LRRC53: variants seen among roughly 807,000 people sequenced by gnomAD.
The protein encoded by LRRC53 is leucine-rich repeat-containing protein 53.
LRRC53 carries 25 observed loss-of-function variants against 13.6 expected under a neutral mutation model. The ratio of observed to expected loss-of-function variants is 1.83; its 90% CI spans 1.34 to 2.56. The LOEUF is 2.56. Among genes scored for constraint, LRRC53 ranks in the 30% most tolerant of loss-of-function variants. The probability of loss-of-function intolerance (pLI) is 0.00; values close to 1 mark genes in which losing one functional copy is unlikely to be tolerated. For missense variants in LRRC53, 527 were observed against 275.8 expected (o/e 1.91, Z -6.45); for synonymous variants, 204 against 109.8 (o/e 1.86, Z -5.37).
chr1:74,508,012 C>A (rs1002409282), intron 1 of LRRC53, among the ~76,000 whole-genome samples: 4 of 152,140 alleles, frequency 2.6e-5, no homozygotes, highest in Non-Finnish European at 5.9e-5. Flanking sequence ...GGAAAATAGA[C>A]CCCAAATGTA....
chr1:74,480,524 C>T lies in LRRC53; in HGVS notation c.533G>A (p.Arg178Gln), dbSNP rs553736323. Residue 178 changes from arginine to glutamine, a missense_variant, in exon 3 of 5, where the codon CGG becomes CAG. Physicochemically the swap from Arg to Gln is conservative, Grantham distance 43. Transcript: ENST00000294635. ...CACTTCCTGTAGTTGAGGCAGGGGCCGGAAGGCATCTTTCCCAATGTAGGA... is the reference window on the plus strand; with the variant it reads ...CACTTCCTGTAGTTGAGGCAGGGGCTGGAAGGCATCTTTCCCAATGTAGGA... ...FISYIGKDAFRPLPQLQEVDL... is the reference protein window; with the variant it reads ...FISYIGKDAFQPLPQLQEVDL... 15 of 717,442 alleles carry T rather than the reference C, an allele frequency of 2.1e-5. No homozygotes were observed. The East Asian group carries it at 3.0e-4, about 14-fold the overall frequency. 44.4% of individuals were successfully genotyped at this position (717,442 alleles called of 1,614,324 possible).
chr1:74,513,638 A>C (rs796100791), upstream of LRRC53, among the ~76,000 whole-genome samples: 1 of 152,180 alleles, frequency 6.6e-6, no homozygotes, highest in South Asian at 2.1e-4. Flanking sequence ...ACATCTTGTC[A>C]CTTGCGTAAC....
the LRRC53 span, among the ~76,000 whole-genome samples, chr1:74,529,219 A>G: frequency 1.3e-5 from 2 of 152,196 alleles, no homozygotes; most frequent in African/African-American, 4.8e-5. Context: ...AGCCTATCAG[A>G]CATCACTCAA....
In LRRC53 at chr1:74,470,264, T is replaced by C. The variant is rs540635923; in HGVS notation, c.3358A>G (p.Thr1120Ala). Residue 1120 changes from threonine (T) to alanine (A), a missense_variant, in exon 5 of 5, where the codon ACA (threonine) becomes GCA (alanine). Transcript: ENST00000294635. ...TCATGTAATATATATTTTTCACTTG[T>C]TCCATTTTCCCAAGTTTGCTGCCTT... ...KERQQTWENG[T>A]SEKYILHDAS... is the part of the protein sequence containing the mutation. 5.0e-6 allele frequency: 2 copies of C among 400,644 alleles called. No individual in the cohort carries two copies. Among genetic ancestry groups the C allele is most frequent in the South Asian group, 1.3e-4 (1 of 7,942 alleles). The allele number at this position is 400,644 out of a possible 1,614,324, so 24.8% of individuals were successfully genotyped here.
chr1:74,516,302 T>G (rs566666715), upstream of LRRC53, among the ~76,000 whole-genome samples: 1 of 152,302 alleles, frequency 6.6e-6, no homozygotes, highest in Admixed American at 6.5e-5. Flanking sequence ...CACTATTTAC[T>G]TGGATGGGGA....
the LRRC53 span, among the ~76,000 whole-genome samples, chr1:74,519,569 GC>G: frequency 1.6e-5 from 2 of 126,652 alleles, no homozygotes; most frequent in Admixed American, 1.4e-4. Context: ...TTTAATGATT[GC>G]CTTACTTTAA....
rs1281498857 is a variant in LRRC53 at position 74,471,366 on chromosome 1, T to A, written c.2256A>T (p.Leu752Phe). Residue 752 changes from leucine to phenylalanine, a missense_variant, in exon 5 of 5, where the codon TTA becomes TTT. Leu to Phe is a conservative substitution (Grantham distance 22). Transcript: ENST00000294635. ...CKQVLLPPKK[L>F]SKTSETEAKI... ...TGGCTTCTGTCTCAGAAGTTTTGGATAATTTCTTAGGAGGCAACAATACCT... is the reference window on the plus strand; with the variant it reads ...TGGCTTCTGTCTCAGAAGTTTTGGAAAATTTCTTAGGAGGCAACAATACCT... The A allele has an allele frequency of 5.0e-6, 2 of 400,724 alleles. No homozygotes were observed. The highest frequency in any genetic ancestry group is 7.1e-5 in the East Asian group (2 of 28,082). 24.8% of individuals were successfully genotyped at this position (400,724 alleles called of 1,614,324 possible). A position where few individuals can be genotyped will look rare whatever the true frequency, so the allele number is the denominator to read the frequency against.
chr1:74,479,686 A>G (rs556236727), intron 3 of LRRC53, among the ~76,000 whole-genome samples: 2 of 152,274 alleles, frequency 1.3e-5, no homozygotes, highest in Admixed American at 1.3e-4. Flanking sequence ...AAGCCCTCTG[A>G]CTCTTACTAT....
At chr1:74,515,934 T>C (rs1646342067), upstream of LRRC53, among the ~76,000 whole-genome samples, 1 of 152,186 alleles carries the variant, frequency 6.6e-6, no homozygotes, top group Non-Finnish European at 1.5e-5. Flanking sequence ...GCCTTCAAGG[T>C]TCTGATGTCT....
Position 74,493,993 on chromosome 1 carries a change from C to T in LRRC53, c.-26-10618G>A, listed in dbSNP as rs112352051. On this transcript the variant is annotated intron_variant, in intron 1 of 4. Transcript: ENST00000294635. ...GGGTCATAGTTCATTAATATAAATA[C>T]GGTTGTCAGGGGCCCCTGTTCTAGA... Among the ~76,000 whole-genome samples, 906 of 152,238 alleles carry T rather than the reference C, an allele frequency of 6.0e-3. 13 individuals carry two copies. The highest frequency in any genetic ancestry group is 0.02 in the African/African-American group (841 of 41,526).
chr1:74,483,034 T>C (rs571765696), intron 2 of LRRC53, among the ~76,000 whole-genome samples: 1 of 152,356 alleles, frequency 6.6e-6, no homozygotes, highest in Non-Finnish European at 1.5e-5. Flanking sequence ...TCTTTTGCAA[T>C]AGCAAAATAA....
chr1:74,501,226 T>C (rs1669608210), intron 1 of LRRC53, among the ~76,000 whole-genome samples: 1 of 152,208 alleles, frequency 6.6e-6, no homozygotes, highest in Admixed American at 6.5e-5. Context: ...TCCAATTCAC[T>C]TATTCTCTCA....
chr1:74,471,338 T>C lies in LRRC53; in HGVS notation c.2284A>G (p.Ile762Val), dbSNP rs1319635657. Reference sequence around the variant, plus strand: ...AAATCTGCAGAACACACAGTATTTATTTTGGCTTCTGTCTCAGAAGTTTTG... The same window carrying C: ...AAATCTGCAGAACACACAGTATTTACTTTGGCTTCTGTCTCAGAAGTTTTG... Reference protein sequence around the residue: ...LSKTSETEAKINTVCSADFLQ... With the variant: ...LSKTSETEAKVNTVCSADFLQ... Residue 762 changes from isoleucine (I) to valine (V), a missense_variant, in exon 5 of 5, where the codon ATA becomes GTA. Coordinates refer to ENST00000294635, the MANE Select transcript of LRRC53 (RefSeq NM_001382280.1). 2.2e-5 allele frequency: 9 copies of C among 400,574 alleles called. No homozygotes were observed. Among genetic ancestry groups the C allele is most frequent in the Admixed American group, 8.8e-5 (2 of 22,712 alleles). The allele number at this position is 400,574 out of a possible 1,614,324, so 24.8% of individuals were successfully genotyped here.
In LRRC53 at chr1:74,480,921, A is replaced by G. The variant is rs568151103; in HGVS notation, c.136T>C (p.Ser46Pro). Residue 46 changes from serine (S) to proline (P), a missense_variant, in exon 3 of 5, where the codon TCC (serine) becomes CCC (proline). Coordinates refer to ENST00000294635, the MANE Select transcript of LRRC53 (RefSeq NM_001382280.1). ...RVLIITDGYLSSIESTNLSLL... is the reference protein window; with the variant it reads ...RVLIITDGYLPSIESTNLSLL... ...GACAGGTTTGTGCTCTCAATAGAGG[A>G]GAGATATCCATCGGTGATGATTAAA... The G allele has an allele frequency of 1.4e-6, 1 of 717,304 alleles. No homozygotes were observed. Among genetic ancestry groups the G allele is most frequent in the Admixed American group, 2.0e-5 (1 of 50,012 alleles). 44.4% of individuals were successfully genotyped at this position (717,304 alleles called of 1,614,324 possible).
chr1:74,534,090 C>T, the LRRC53 span, among the ~76,000 whole-genome samples: 1 of 152,086 alleles, frequency 6.6e-6, no homozygotes, highest in Non-Finnish European at 1.5e-5. Flanking sequence ...ACAAGCTAAT[C>T]GATAGAAAAG....
the LRRC53 span, among the ~76,000 whole-genome samples, chr1:74,521,793 T>C: frequency 1.3e-4 from 20 of 152,176 alleles, no homozygotes; most frequent in African/African-American, 4.8e-4. Context: ...GGTGAGTGAA[T>C]GTTTCTTGCT....
chr1:74,503,245 T>C (rs1287672127), intron 1 of LRRC53, among the ~76,000 whole-genome samples: 4 of 152,204 alleles, frequency 2.6e-5, no homozygotes, highest in Non-Finnish European at 5.9e-5. Flanking sequence ...CATGCATAAA[T>C]ACAATAGGGA....
chr1:74,495,399 A>G (rs1365600243), intron 1 of LRRC53, among the ~76,000 whole-genome samples: 1 of 152,246 alleles, frequency 6.6e-6, no homozygotes, highest in Non-Finnish European at 1.5e-5. Context: ...TAGCAGTATG[A>G]TTGGCATAAA....
At chr1:74,506,896 A>G (rs1045056153) in intron 1 of LRRC53, among the ~76,000 whole-genome samples, 2 of 152,106 alleles carry the variant, frequency 1.3e-5, no homozygotes, top group Admixed American at 1.3e-4. Context: ...GAAAAGATTT[A>G]TCTATCTTAA....
Sources: gnomAD v4.1 joint callset for allele counts (sites outside exome capture counted in the v4.1 genomes callset) on GRCh38, gnomAD v4.1.1 for gene constraint, MANE v1.5 for transcripts, NCBI Gene and HGNC (gene_info 2026-07-23, HGNC 2026-07-21) for gene names.